The following SCD5 variants were observed in gnomAD, a reference collection of about 807,000 sequenced individuals.
SCD5 encodes stearoyl-CoA desaturase 5, also known as acyl-CoA-desaturase 4.
Under a neutral mutation model 30.4 loss-of-function variants are expected in SCD5, and 20 were observed. The observed-to-expected ratio is 0.66, with a 90% CI of 0.46 to 0.96. The LOEUF (loss-of-function observed/expected upper bound fraction) is 0.96, where lower values mean the gene tolerates loss of function less well. Among genes scored for constraint, SCD5 ranks in the 40% least tolerant of loss-of-function variants. The pLI, the probability that SCD5 is intolerant of heterozygous loss-of-function variation, is 0.00. For missense variants in SCD5, 381 were observed against 443.3 expected (o/e 0.86, Z 1.26); for synonymous variants, 173 against 176.4 (o/e 0.98, Z 0.16).
intron 3 of SCD5, among the ~76,000 whole-genome samples, chr4:82,669,277 G>A (rs1382942990): frequency 6.7e-6 from 1 of 149,940 alleles, no homozygotes. Flanking sequence ...AATACACTTA[G>A]GGTTTAGACA....
At chr4:82,760,181 T>A (rs143708627) in intron 1 of SCD5, among the ~76,000 whole-genome samples, 179 of 152,214 alleles carry the variant, frequency 1.2e-3, no homozygotes, top group African/African-American at 4.2e-3. Context: ...CTTTTCTCAG[T>A]CCTCCACTGC....
chr4:82,795,980 A>G (rs189868061), intron 1 of SCD5, among the ~76,000 whole-genome samples: 7 of 150,824 alleles, frequency 4.6e-5, no homozygotes, highest in Admixed American at 2.0e-4. Context: ...GAGAGAATTA[A>G]GACTTACGGG....
chr4:82,761,576 CT>C (rs1300978212), intron 1 of SCD5, among the ~76,000 whole-genome samples: 27 of 149,376 alleles, frequency 1.8e-4, no homozygotes, highest in African/African-American at 4.9e-4. Context: ...AGCCTCGTTT[CT>C]TTTTTTTTTA....
At chr4:82,767,053 G>A (rs1721508060) in intron 1 of SCD5, among the ~76,000 whole-genome samples, 1 of 152,130 alleles carries the variant, frequency 6.6e-6, no homozygotes, top group African/African-American at 2.4e-5. Flanking sequence ...CATGAATTAT[G>A]AGGTTTTCCA....
chr4:82,704,669 A>G (rs75184587), intron 2 of SCD5, among the ~76,000 whole-genome samples: 2,161 of 152,310 alleles, frequency 0.014, 24 homozygotes, highest in Non-Finnish European at 0.02. Flanking sequence ...GAAGTGATTC[A>G]CAGCCAGCAC....
chr4:82,701,495 G>T (rs1201079416), intron 2 of SCD5, among the ~76,000 whole-genome samples: 1 of 151,628 alleles, frequency 6.6e-6, no homozygotes, highest in Non-Finnish European at 1.5e-5. Context: ...AAGACAGACT[G>T]TCAGAGAGGA....
intron 2 of SCD5, among the ~76,000 whole-genome samples, chr4:82,699,535 C>T (rs1463410216): frequency 6.7e-6 from 1 of 149,830 alleles, no homozygotes; most frequent in African/African-American, 2.5e-5. Flanking sequence ...CAGGCACACG[C>T]CACCATGCCT....
intron 3 of SCD5, among the ~76,000 whole-genome samples, chr4:82,665,027 TACACAC>T (rs36067892): frequency 1.5e-4 from 5 of 32,802 alleles, no homozygotes; most frequent in Non-Finnish European, 3.3e-4. Flanking sequence ...ATATGTATAA[TACACAC>T]ACACACACAC....
At chr4:82,750,679 T>C (rs989578478) in intron 1 of SCD5, among the ~76,000 whole-genome samples, 2 of 150,964 alleles carry the variant, frequency 1.3e-5, no homozygotes, top group Non-Finnish European at 2.9e-5. Context: ...AGGCAGTTCA[T>C]TATGTCTGTT....
chr4:82,747,414 C>G (rs1047208030), intron 1 of SCD5, among the ~76,000 whole-genome samples: 5 of 152,202 alleles, frequency 3.3e-5, no homozygotes, highest in Non-Finnish European at 5.9e-5. Flanking sequence ...TCATCCCTTT[C>G]TCTTACCCAC....
At chr4:82,646,209 G>A (rs1727631581) in intron 3 of SCD5, among the ~76,000 whole-genome samples, 1 of 152,170 alleles carries the variant, frequency 6.6e-6, no homozygotes, top group African/African-American at 2.4e-5. Flanking sequence ...TTAAAGCCTG[G>A]CCAGAAATTC....
intron 1 of SCD5, among the ~76,000 whole-genome samples, chr4:82,781,664 T>C (rs1175779064): frequency 6.6e-6 from 1 of 152,172 alleles, no homozygotes; most frequent in East Asian, 1.9e-4. Context: ...ATGCCATTAC[T>C]GTAGGAGTGG....
In SCD5 at chr4:82,774,899, G is replaced by T. The variant is rs146486066; in HGVS notation, c.232+23407C>A. Among the ~76,000 whole-genome samples, 43 of 152,312 alleles carry T rather than the reference G, an allele frequency of 2.8e-4. 1 individual carries two copies. In the East Asian group the frequency reaches 6.6e-3, roughly 23 times the overall value. ...CTTTAGAGGCACCAACAGGGGAGAA[G>T]TCCTTAAACCCATTCCCTGGAACTA... On this transcript the variant is annotated intron_variant, in intron 1 of 4. Coordinates refer to ENST00000319540, the MANE Select transcript of SCD5 (RefSeq NM_001037582.3).
intron 2 of SCD5, among the ~76,000 whole-genome samples, chr4:82,701,527 C>T (rs904882704): frequency 1.3e-5 from 2 of 151,766 alleles, no homozygotes; most frequent in Non-Finnish European, 2.9e-5. Flanking sequence ...AAAGACTAAA[C>T]TCTATGTTGT....
At chr4:82,764,762 T>C (rs1273571688) in intron 1 of SCD5, among the ~76,000 whole-genome samples, 1 of 151,600 alleles carries the variant, frequency 6.6e-6, no homozygotes, top group Non-Finnish European at 1.5e-5. Context: ...GTTTCATTCT[T>C]GTTGCCCATG....
chr4:82,652,201 C>G (rs1402552339), intron 3 of SCD5, among the ~76,000 whole-genome samples: 3 of 152,234 alleles, frequency 2.0e-5, no homozygotes, highest in Non-Finnish European at 4.4e-5. Context: ...AGGTATAAAA[C>G]AGAAGTACCA....
intron 1 of SCD5, among the ~76,000 whole-genome samples, chr4:82,764,368 C>A (rs1721442890): frequency 6.6e-6 from 1 of 152,090 alleles, no homozygotes; most frequent in Non-Finnish European, 1.5e-5. Flanking sequence ...TATCATTTTG[C>A]TACATATTTT....
intron 3 of SCD5, among the ~76,000 whole-genome samples, chr4:82,638,087 C>G (rs1050828481): frequency 3.3e-5 from 5 of 152,254 alleles, no homozygotes; most frequent in Admixed American, 1.3e-4. Context: ...TAAGTGAGAA[C>G]ATGCGGTGTT....
chr4:82,750,477 A>G (rs1035998974), intron 1 of SCD5, among the ~76,000 whole-genome samples: 4 of 152,254 alleles, frequency 2.6e-5, no homozygotes, highest in African/African-American at 9.6e-5. Flanking sequence ...CACTTTGTAA[A>G]GATTAAGAAT....
Sources: allele counts gnomAD v4.1 joint callset (sites outside exome capture counted in the v4.1 genomes callset), GRCh38; gene constraint gnomAD v4.1.1; transcripts MANE v1.5; gene names NCBI Gene and HGNC (gene_info 2026-07-23, HGNC 2026-07-21).